The following GUCY1A2 variants were observed in gnomAD, a reference collection of about 807,000 sequenced individuals.
The protein encoded by GUCY1A2 is guanylate cyclase soluble subunit alpha-2.
In GUCY1A2, 27 loss-of-function variants were observed where a neutral mutation model predicts 63.5. The observed-to-expected ratio is 0.43, with a 90% CI of 0.31 to 0.59. The LOEUF is 0.59. Ranked by LOEUF, GUCY1A2 falls within the 20% of genes least tolerant of loss-of-function variation. The probability of loss-of-function intolerance (pLI) is 0.11; values close to 1 mark genes in which losing one functional copy is unlikely to be tolerated. For missense variants in GUCY1A2, 768 were observed against 913.3 expected (o/e 0.84, Z 2.05); for synonymous variants, 364 against 343.5 (o/e 1.06, Z -0.66).
chr11:106,827,152 G>T (rs554855925), intron 4 of GUCY1A2: 126 of 1,488,476 alleles, frequency 8.5e-5, no homozygotes, highest in Middle Eastern at 1.7e-4. Context: ...AAACTCTTTT[G>T]TTCCTTTAAG....
At chr11:107,013,559 T>C (rs954042329) in intron 1 of GUCY1A2, among the ~76,000 whole-genome samples, 1 of 152,240 alleles carries the variant, frequency 6.6e-6, no homozygotes, top group Non-Finnish European at 1.5e-5. Flanking sequence ...TTGTTTGTTT[T>C]GTTTTGGAGA....
intron 6 of GUCY1A2, among the ~76,000 whole-genome samples, chr11:106,714,008 TTTCTTTTC>T (rs1863172301): frequency 8.1e-6 from 1 of 122,960 alleles, no homozygotes; most frequent in African/African-American, 3.6e-5. Context: ...ACACTCTTTT[TTTCTTTTC>T]TTTCTGTTAA....
intron 5 of GUCY1A2, among the ~76,000 whole-genome samples, chr11:106,792,238 T>C (rs1487036909): frequency 6.6e-6 from 1 of 152,006 alleles, no homozygotes; most frequent in Middle Eastern, 3.4e-3. Flanking sequence ...ATACAAAAAT[T>C]AGCCAGGCTC....
At chr11:106,707,578 A>G (rs1411815358) in intron 7 of GUCY1A2, among the ~76,000 whole-genome samples, 2 of 152,078 alleles carry the variant, frequency 1.3e-5, no homozygotes, top group African/African-American at 4.8e-5. Context: ...AATTTTGAAA[A>G]TGTCCATCTT....
At chr11:106,904,132 T>C (rs1264510627) in intron 4 of GUCY1A2, among the ~76,000 whole-genome samples, 1 of 152,132 alleles carries the variant, frequency 6.6e-6, no homozygotes, top group Non-Finnish European at 1.5e-5. Context: ...AATAATGTTT[T>C]ACAAAAAAAT....
At chr11:106,694,128 T>G (rs1862675031) in intron 7 of GUCY1A2, among the ~76,000 whole-genome samples, 1 of 152,202 alleles carries the variant, frequency 6.6e-6, no homozygotes, top group Non-Finnish European at 1.5e-5. Flanking sequence ...TGGTCCAGTT[T>G]GTCCAAGTAA....
chr11:106,826,339 G>A (rs976448114), intron 4 of GUCY1A2: 30 of 1,391,068 alleles, frequency 2.2e-5, no homozygotes, highest in Non-Finnish European at 2.9e-5. Context: ...ATTGACTTGT[G>A]ATTTTTCTGG....
intron 6 of GUCY1A2, among the ~76,000 whole-genome samples, chr11:106,769,302 A>G (rs1396878879): frequency 3.9e-5 from 6 of 152,186 alleles, no homozygotes; most frequent in African/African-American, 9.6e-5. Context: ...TAAAAACGGT[A>G]TGAAAAATTT....
intron 5 of GUCY1A2, among the ~76,000 whole-genome samples, chr11:106,787,307 T>C (rs1864573189): frequency 6.6e-6 from 1 of 151,468 alleles, no homozygotes; most frequent in Non-Finnish European, 1.5e-5. Context: ...ACCACCCTAC[T>C]ACCATTCCCA....
intron 6 of GUCY1A2, among the ~76,000 whole-genome samples, chr11:106,741,057 A>C (rs1863686550): frequency 6.6e-6 from 1 of 152,210 alleles, no homozygotes; most frequent in African/African-American, 2.4e-5. Context: ...CCTTTATTGC[A>C]ATGCTGTCCA....
rs1380123927 is a variant in GUCY1A2 at position 106,809,979 on chromosome 11, C to G, written c.1692+14G>C. The stretch of plus-strand genomic sequence containing the variant: ...TTAAAAAACATTTATATGTAAGTAA[C>G]TAAACTCCCTTACCTTATAAATATC... On this transcript the variant is annotated intron_variant, in intron 5 of 7. Transcript: ENST00000526355. The G allele has an allele frequency of 6.6e-7, 1 of 1,519,750 alleles. No individual in the cohort carries two copies. The highest frequency in any genetic ancestry group is 9.0e-7 in the Non-Finnish European group (1 of 1,113,794). 94.1% of individuals were successfully genotyped at this position (1,519,750 alleles called of 1,614,324 possible).
At chr11:106,963,895 T>C (rs1055945833) in intron 3 of GUCY1A2, among the ~76,000 whole-genome samples, 3 of 152,194 alleles carry the variant, frequency 2.0e-5, no homozygotes, top group Non-Finnish European at 4.4e-5. Flanking sequence ...TTTGGAAATG[T>C]TTATTTTGAT....
At chr11:106,801,162 T>C (rs972742659) in intron 5 of GUCY1A2, among the ~76,000 whole-genome samples, 1 of 152,160 alleles carries the variant, frequency 6.6e-6, no homozygotes, top group African/African-American at 2.4e-5. Context: ...ATTTGTTGAA[T>C]ACCTTAAAAA....
At chr11:106,835,394 G>A (rs539868077) in intron 4 of GUCY1A2, among the ~76,000 whole-genome samples, 1 of 151,872 alleles carries the variant, frequency 6.6e-6, no homozygotes, top group East Asian at 1.9e-4. Flanking sequence ...GAGCTAAAGA[G>A]TAGAAAATAT....
At chr11:106,838,219 C>T (rs752754189) in intron 4 of GUCY1A2, among the ~76,000 whole-genome samples, 14 of 151,932 alleles carry the variant, frequency 9.2e-5, no homozygotes, top group Non-Finnish European at 1.5e-4. Flanking sequence ...CACATTGTCT[C>T]TTGTAGTATG....
chr11:107,010,683 T>C (rs12295740), intron 1 of GUCY1A2, among the ~76,000 whole-genome samples: 8,478 of 152,136 alleles, frequency 0.056, 712 homozygotes, highest in African/African-American at 0.19. Context: ...GAAACATTAA[T>C]AAAATTGAAC....
At chr11:106,924,370 A>G (rs191931392) in intron 4 of GUCY1A2, among the ~76,000 whole-genome samples, 342 of 152,194 alleles carry the variant, frequency 2.2e-3, no homozygotes, top group Non-Finnish European at 3.0e-3. Flanking sequence ...TTGATCCTAG[A>G]CTCCATAAAA....
chr11:106,966,578 TG>T (rs1338238473), intron 3 of GUCY1A2, among the ~76,000 whole-genome samples: 1 of 152,232 alleles, frequency 6.6e-6, no homozygotes, highest in East Asian at 1.9e-4. Flanking sequence ...TTTGTATTGA[TG>T]GAACAAAGTA....
chr11:106,895,845 A>C (rs1228475695), intron 4 of GUCY1A2, among the ~76,000 whole-genome samples: 1 of 152,014 alleles, frequency 6.6e-6, no homozygotes, highest in African/African-American at 2.4e-5. Context: ...AAATGCAAAA[A>C]TTATTAACAA....
Sources: allele counts gnomAD v4.1 joint callset (sites outside exome capture counted in the v4.1 genomes callset), GRCh38; gene constraint gnomAD v4.1.1; transcripts MANE v1.5; gene names NCBI Gene and HGNC (gene_info 2026-07-23, HGNC 2026-07-21).